Variants in PCSK9 observed in about 807,000 individuals in gnomAD.
PCSK9 encodes the protein convertase subtilisin/kexin type 9 preproprotein.
In PCSK9, 57 loss-of-function variants were observed where a neutral mutation model predicts 62.1. The observed-to-expected ratio is 0.92, with a 90% CI of 0.74 to 1.14. The LOEUF (loss-of-function observed/expected upper bound fraction) is 1.14. Ranked by LOEUF, PCSK9 falls within the 50% of genes most tolerant of loss-of-function variation. The probability of loss-of-function intolerance (pLI) is 0.00; values close to 1 mark genes in which losing one functional copy is unlikely to be tolerated. For synonymous variants in PCSK9, 387 were observed against 409.4 expected (o/e 0.95, Z 0.66); for missense variants, 870 against 959.8 (o/e 0.91, Z 1.24).
chr1:55,039,851 G>C lies in PCSK9; in HGVS notation c.14G>C (p.Ser5Thr). 2 of 1,565,124 alleles carry C rather than the reference G, an allele frequency of 1.3e-6. No homozygotes were observed. The highest frequency in any genetic ancestry group is 2.1e-4 in the Middle Eastern group (1 of 4,814). The change falls in exon 1 of 12, where the codon AGC becomes ACC. Residue 5 changes from serine (S) to threonine (T), a missense_variant. Transcript: ENST00000302118. Reference protein sequence around the residue: MGTVSSRRSWWPLPL... With the variant: MGTVTSRRSWWPLPL... Reference sequence around the variant, plus strand: ...CCCCTGGCCCTCATGGGCACCGTCAGCTCCAGGCGGTCCTGGTGGCCGCTG... The same window carrying C: ...CCCCTGGCCCTCATGGGCACCGTCACCTCCAGGCGGTCCTGGTGGCCGCTG...
intron 11 of PCSK9, 22 bp downstream of exon 11, chr1:55,061,578 G>C (rs770282850): frequency 9.6e-6 from 15 of 1,570,554 alleles, no homozygotes; most frequent in Non-Finnish European, 1.1e-5. Flanking sequence ...CGTGAGGCCG[G>C]GTGGGTGGGG....
intron 3 of PCSK9, 86 bp from the exon 4 acceptor site, chr1:55,052,192 G>A: frequency 6.3e-7 from 1 of 1,582,568 alleles, no homozygotes; most frequent in South Asian, 1.1e-5. Flanking sequence ...CCAGTGCCTG[G>A]GATGTGCTCT....
rs766429500 is a variant in PCSK9 at position 55,057,467 on chromosome 1, G to A, written c.1133G>A (p.Cys378Tyr). The A allele has an allele frequency of 4.3e-6, 7 of 1,613,982 alleles. No individual in the cohort carries two copies. The highest frequency in any genetic ancestry group is 5.1e-6 in the Non-Finnish European group (6 of 1,180,008). The change falls in exon 7 of 12, where the codon TGC (cysteine) becomes TAC (tyrosine). Residue 378 changes from cysteine to tyrosine, a missense_variant. By Grantham distance (194) the Cys-to-Tyr change is radical. Transcript: ENST00000302118. ...IIGASSDCSTCFVSQSGTSQA... is the reference protein window; with the variant it reads ...IIGASSDCSTYFVSQSGTSQA... Reference sequence around the variant, plus strand: ...GGTGCCTCCAGCGACTGCAGCACCTGCTTTGTGTCACAGAGTGGGACATCA... The same window carrying A: ...GGTGCCTCCAGCGACTGCAGCACCTACTTTGTGTCACAGAGTGGGACATCA...
At chr1:55,044,194 C>T (rs1046620247) in intron 2 of PCSK9, among the ~76,000 whole-genome samples, 160 bp downstream of exon 2, 1 of 152,206 alleles carries the variant, frequency 6.6e-6, no homozygotes, top group African/African-American at 2.4e-5. Flanking sequence ...TACTGGCTTT[C>T]TGTATAGAAT....
At chr1:55,059,726 C>CCCAACA (rs1644745578) in intron 10 of PCSK9, 63 bp downstream of exon 10, 1 of 1,528,968 alleles carries the variant, frequency 6.5e-7, no homozygotes, top group Non-Finnish European at 8.8e-7. Flanking sequence ...ACCCACTGCC[C>CCCAACA]GCGAGGCTTG....
intron 11 of PCSK9, among the ~76,000 whole-genome samples, chr1:55,062,884 G>A (rs1478556628): frequency 6.6e-6 from 1 of 152,166 alleles, no homozygotes; most frequent in Non-Finnish European, 1.5e-5. Flanking sequence ...CAAGGACCTT[G>A]GGCAGAAGCA....
chr1:55,043,260 C>T (rs1202174321), intron 1 of PCSK9, among the ~76,000 whole-genome samples: 2 of 152,232 alleles, frequency 1.3e-5, no homozygotes, highest in Non-Finnish European at 2.9e-5. Context: ...ATCCCTTCTG[C>T]CTGCATTTGT....
rs924658434 is a variant in PCSK9 at position 55,051,442 on chromosome 1, G to A, written c.524-836G>A. 4 of 330,832 alleles carry A rather than the reference G, an allele frequency of 1.2e-5. No individual in the cohort carries two copies. The East Asian group carries it at 2.9e-4, about 24-fold the overall frequency. The allele number at this position is 330,832 out of a possible 1,614,324, so 20.5% of individuals were successfully genotyped here. On this transcript the variant is annotated intron_variant, in intron 3 of 11. Coordinates refer to ENST00000302118, the MANE Select transcript of PCSK9 (RefSeq NM_174936.4). ...CTGGCTGAGAGTTTCTGAGACCTGC[G>A]CTGGAGCGGAGGTGCTTCCTTCCTT...
rs966100677 is a variant in PCSK9 at position 55,039,845 on chromosome 1, C to T, written c.8C>T (p.Thr3Ile). The change falls in exon 1 of 12, where the codon ACC (threonine) becomes ATC (isoleucine). Residue 3 changes from threonine to isoleucine, a missense_variant. Thr to Ile is a moderately conservative substitution (Grantham distance 89, BLOSUM62 -1). Transcript: ENST00000302118. ...ACCTCTCCCCTGGCCCTCATGGGCA[C>T]CGTCAGCTCCAGGCGGTCCTGGTGG... is the stretch of plus-strand genomic sequence containing the variant. MG[T>I]VSSRRSWWPL... 16 of 1,565,900 alleles carry T rather than the reference C, an allele frequency of 1.0e-5. No individual in the cohort carries two copies. Among genetic ancestry groups the T allele is most frequent in the Non-Finnish European group, 1.4e-5 (16 of 1,156,238 alleles).
chr1:55,044,970 C>A (rs538946478), intron 2 of PCSK9, among the ~76,000 whole-genome samples: 1 of 152,310 alleles, frequency 6.6e-6, no homozygotes, highest in East Asian at 1.9e-4. Flanking sequence ...AAGTCAATGC[C>A]TTCCATCAGT....
intron 5 of PCSK9, among the ~76,000 whole-genome samples, chr1:55,054,531 C>T (rs185003821): frequency 3.9e-4 from 59 of 152,332 alleles, no homozygotes; most frequent in African/African-American, 1.4e-3. Flanking sequence ...ATTCCAGCTC[C>T]ATCCTTGGCC....
At chr1:55,048,477 C>T (rs192932224) in intron 3 of PCSK9, among the ~76,000 whole-genome samples, 129 of 152,348 alleles carry the variant, frequency 8.5e-4, no homozygotes, top group Non-Finnish European at 1.5e-3. Context: ...ATAGGATGCC[C>T]ATGGATTGCC....
In PCSK9 at chr1:55,039,950, A is replaced by G; in HGVS notation, c.113A>G (p.Tyr38Cys). 2.5e-6 allele frequency: 4 copies of G among 1,575,682 alleles called. No homozygotes were observed. The highest frequency in any genetic ancestry group is 3.4e-6 in the Non-Finnish European group (4 of 1,161,796). The change falls in exon 1 of 12, where the codon TAC (tyrosine) becomes TGC (cysteine). Residue 38 changes from tyrosine to cysteine, a missense_variant. Coordinates refer to ENST00000302118, the MANE Select transcript of PCSK9 (RefSeq NM_174936.4). Reference protein sequence around the residue: ...ARAQEDEDGDYEELVLALRSE... With the variant: ...ARAQEDEDGDCEELVLALRSE... The stretch of plus-strand genomic sequence containing the variant: ...GCGCAGGAGGACGAGGACGGCGACT[A>G]CGAGGAGCTGGTGCTAGCCTTGCGT...
At position 55,061,498 on chromosome 1, in the gene PCSK9, A is replaced by G. The variant is rs1012875803; in HGVS notation, c.1805A>G (p.His602Arg). The change falls in exon 11 of 12, where the codon CAT becomes CGT. Residue 602 changes from histidine to arginine, a missense_variant. Transcript: ENST00000302118. ...REASIHASCC[H>R]APGLECKVKE... ...GCCAGCATCCACGCTTCCTGCTGCC[A>G]TGCCCCAGGTCTGGAATGCAAAGTC... 5 of 1,605,478 alleles carry G rather than the reference A, an allele frequency of 3.1e-6. No homozygotes were observed. The highest frequency in any genetic ancestry group is 1.7e-4 in the Middle Eastern group (1 of 6,054).
At position 55,051,215 on chromosome 1, in the gene PCSK9, G is replaced by A. The variant is rs778104784; in HGVS notation, c.524-1063G>A. The A allele has an allele frequency of 6.1e-5, 28 of 456,264 alleles. 1 individual carries two copies. The highest frequency in any genetic ancestry group is 4.0e-4 in the South Asian group (26 of 64,578). 28.3% of individuals were successfully genotyped at this position (456,264 alleles called of 1,614,324 possible). A position where few individuals can be genotyped will look rare whatever the true frequency, so the allele number is the denominator to read the frequency against. ...AGCATATTTGGAGGATCACTGCGGGGGCCACAGAGGTGCTGTTCAGATGGC... is the reference window on the plus strand; with the variant it reads ...AGCATATTTGGAGGATCACTGCGGGAGCCACAGAGGTGCTGTTCAGATGGC... On this transcript the variant is annotated intron_variant, in intron 3 of 11. Transcript: ENST00000302118.
intron 9 of PCSK9, among the ~76,000 whole-genome samples, chr1:55,059,028 A>G (rs772560022): frequency 1.3e-5 from 2 of 152,210 alleles, no homozygotes; most frequent in Non-Finnish European, 2.9e-5. Flanking sequence ...GAGCTGAGAA[A>G]TCTCAAACCA....
chr1:55,056,511 C>A (rs977518880), intron 6 of PCSK9, among the ~76,000 whole-genome samples: 1 of 152,190 alleles, frequency 6.6e-6, no homozygotes, highest in Non-Finnish European at 1.5e-5. Context: ...TTCTGGTACC[C>A]GCCCCCTCCC....
At chr1:55,053,651 C>T (rs754417738) in intron 5 of PCSK9, among the ~76,000 whole-genome samples, 29 of 152,214 alleles carry the variant, frequency 1.9e-4, no homozygotes, top group Non-Finnish European at 3.4e-4. Flanking sequence ...TGAGAAGGCC[C>T]AGGAGTCTGC....
In PCSK9 at chr1:55,046,683, G is replaced by C. The variant is rs1259001749; in HGVS notation, c.523+37G>C. 2.5e-6 allele frequency: 4 copies of C among 1,611,252 alleles called. No homozygotes were observed. In the Admixed American group the frequency reaches 6.7e-5, roughly 27 times the overall value. On this transcript the variant is annotated intron_variant, in intron 3 of 11. Coordinates refer to ENST00000302118, the MANE Select transcript of PCSK9 (RefSeq NM_174936.4). ...ATCTGTGCCCTGCCCCACCCCATCT[G>C]AGCTGAATCCATTTGCTCTGCCCTG...
Sources: allele counts gnomAD v4.1 joint callset (sites outside exome capture counted in the v4.1 genomes callset), GRCh38; gene constraint gnomAD v4.1.1; transcripts MANE v1.5; gene names NCBI Gene and HGNC (gene_info 2026-07-23, HGNC 2026-07-21).